The following GPC6 variants were observed in gnomAD, a reference collection of about 807,000 sequenced individuals.
GPC6 encodes the protein glypican-6.
Under a neutral mutation model 55.2 loss-of-function variants are expected in GPC6, and 14 were observed. That is an observed-to-expected ratio of 0.25 (90% CI 0.17 to 0.40). The LOEUF (loss-of-function observed/expected upper bound fraction) is 0.40. Among genes scored for constraint, GPC6 ranks in the 10% least tolerant of loss-of-function variants. The pLI, the probability that GPC6 is intolerant of heterozygous loss-of-function variation, is 1.00. For missense variants in GPC6, 641 were observed against 708.5 expected, an observed-to-expected ratio of 0.90 and a Z score of 1.08; for synonymous variants, 278 against 259.6, an observed-to-expected ratio of 1.07 and a Z score of -0.68.
At chr13:93,454,899 C>T (rs2139306773) in intron 1 of GPC6, among the ~76,000 whole-genome samples, 1 of 152,350 alleles carries the variant, frequency 6.6e-6, no homozygotes. Context: ...GAGGCTCAGG[C>T]ATGGCGGGCT....
In GPC6 at chr13:94,406,193, CA is replaced by C. The variant is rs1296344750; in HGVS notation, c.*2977del. On this transcript the variant is annotated 3_prime_UTR_variant, in exon 9 of 9. Transcript: ENST00000377047. The stretch of plus-strand genomic sequence containing the variant: ...TAGCTTATTGAAGTGCCTCTATTTA[CA>C]TGTTCTTTAGTTATAATATGTATTT... The C allele has an allele frequency of 1.3e-5, 2 of 152,056 alleles. No homozygotes were observed. Among genetic ancestry groups the C allele is most frequent in the Admixed American group, 6.6e-5 (1 of 15,262 alleles). The allele number at this position is 152,056 out of a possible 1,614,324, so 9.4% of individuals were successfully genotyped here.
intron 2 of GPC6, among the ~76,000 whole-genome samples, chr13:93,705,531 T>C (rs115589641): frequency 0.01 from 1,568 of 151,988 alleles, 33 homozygotes; most frequent in African/African-American, 0.036. Flanking sequence ...AAGCACTAGT[T>C]CTCAAATCTT....
chr13:93,659,902 A>G (rs973320914), intron 2 of GPC6, among the ~76,000 whole-genome samples: 4 of 152,048 alleles, frequency 2.6e-5, no homozygotes, highest in African/African-American at 4.8e-5. Flanking sequence ...GGAAATATAT[A>G]TATGTGTGTG....
At chr13:94,030,133 C>T (rs1346825097) in intron 4 of GPC6, among the ~76,000 whole-genome samples, 1 of 151,992 alleles carries the variant, frequency 6.6e-6, no homozygotes, top group East Asian at 1.9e-4. Flanking sequence ...CTCAGCCTCC[C>T]GAGGAGCTGG....
intron 1 of GPC6, among the ~76,000 whole-genome samples, chr13:93,369,938 G>A (rs530976707): frequency 6.6e-6 from 1 of 151,976 alleles, no homozygotes; most frequent in Non-Finnish European, 1.5e-5. Context: ...GATTATGTAG[G>A]TTGTATCATT....
intron 3 of GPC6, among the ~76,000 whole-genome samples, chr13:93,982,476 T>C (rs1880850443): frequency 6.6e-6 from 1 of 152,200 alleles, no homozygotes; most frequent in Non-Finnish European, 1.5e-5. Flanking sequence ...TATACTTGTA[T>C]TGAAAAGGGC....
chr13:93,352,401 G>A (rs1160997328), intron 1 of GPC6, among the ~76,000 whole-genome samples: 4 of 152,134 alleles, frequency 2.6e-5, no homozygotes, highest in African/African-American at 4.8e-5. Flanking sequence ...GATTATGGTA[G>A]TTTATAATTT....
intron 3 of GPC6, among the ~76,000 whole-genome samples, chr13:93,832,122 AATATAT>A (rs71126419): frequency 8.3e-4 from 10 of 12,052 alleles, no homozygotes; most frequent in African/African-American, 3.1e-3. Context: ...AAAAAAAAAA[AATATAT>A]ATATATATAT....
At chr13:94,038,410 A>G (rs1883414545) in intron 4 of GPC6, among the ~76,000 whole-genome samples, 1 of 151,876 alleles carries the variant, frequency 6.6e-6, no homozygotes. Context: ...AAACCACATA[A>G]CCTGGACCTG....
chr13:94,117,302 G>A (rs1886467914), intron 4 of GPC6, among the ~76,000 whole-genome samples: 1 of 152,010 alleles, frequency 6.6e-6, no homozygotes, highest in South Asian at 2.1e-4. Context: ...TAATTCCAAA[G>A]GTGTTGTATC....
At chr13:94,299,318 T>G (rs1167251631) in intron 5 of GPC6, among the ~76,000 whole-genome samples, 1 of 152,224 alleles carries the variant, frequency 6.6e-6, no homozygotes, top group East Asian at 1.9e-4. Flanking sequence ...GCTTTGAGAA[T>G]TGGGGAGAAC....
At chr13:94,195,757 T>G (rs2138968654) in intron 4 of GPC6, among the ~76,000 whole-genome samples, 1 of 152,322 alleles carries the variant, frequency 6.6e-6, no homozygotes, top group East Asian at 1.9e-4. Context: ...AGCCACCATC[T>G]CAGAAGTCAA....
intron 1 of GPC6, among the ~76,000 whole-genome samples, chr13:93,323,950 A>C (rs1879550169): frequency 6.6e-6 from 1 of 152,198 alleles, no homozygotes; most frequent in Non-Finnish European, 1.5e-5. Context: ...GTATATACCC[A>C]GAGGAAAGGA....
chr13:94,152,084 C>T (rs1334445829), intron 4 of GPC6, among the ~76,000 whole-genome samples: 1 of 152,078 alleles, frequency 6.6e-6, no homozygotes, highest in African/African-American at 2.4e-5. Flanking sequence ...GTTCTAAAGT[C>T]TGTCAGATGA....
intron 3 of GPC6, among the ~76,000 whole-genome samples, chr13:93,960,777 A>G (rs1243482880): frequency 6.6e-6 from 1 of 151,940 alleles, no homozygotes; most frequent in Non-Finnish European, 1.5e-5. Flanking sequence ...TCATGCAGAA[A>G]AATATAACCA....
intron 3 of GPC6, among the ~76,000 whole-genome samples, chr13:94,009,525 T>A (rs1447600004): frequency 6.6e-6 from 1 of 152,178 alleles, no homozygotes; most frequent in Non-Finnish European, 1.5e-5. Flanking sequence ...TTTTTGTGAC[T>A]TGTAAGAAGT....
At chr13:93,937,788 A>G (rs1364542452) in intron 3 of GPC6, among the ~76,000 whole-genome samples, 1 of 152,126 alleles carries the variant, frequency 6.6e-6, no homozygotes, top group Non-Finnish European at 1.5e-5. Flanking sequence ...CATGTTGGCC[A>G]GGCTGGTCTC....
At chr13:93,824,215 T>C (rs1265650388) in intron 2 of GPC6, among the ~76,000 whole-genome samples, 1 of 152,128 alleles carries the variant, frequency 6.6e-6, no homozygotes, top group Non-Finnish European at 1.5e-5. Flanking sequence ...TTAAAAAAAC[T>C]GTATGAGTGA....
chr13:93,962,714 T>G (rs1879841756), intron 3 of GPC6, among the ~76,000 whole-genome samples: 1 of 152,162 alleles, frequency 6.6e-6, no homozygotes, highest in South Asian at 2.1e-4. Flanking sequence ...AGATGCTGTT[T>G]CTGTCACCCC....
Sources: gnomAD v4.1 joint callset for allele counts (sites outside exome capture counted in the v4.1 genomes callset) on GRCh38, gnomAD v4.1.1 for gene constraint, MANE v1.5 for transcripts, NCBI Gene and HGNC (gene_info 2026-07-23, HGNC 2026-07-21) for gene names.